Variants in LRP1B observed in about 807,000 individuals in gnomAD.
LRP1B encodes low-density lipoprotein receptor-related protein 1B.
Under a neutral mutation model 556.6 loss-of-function variants are expected in LRP1B, and 217 were observed. That is an observed-to-expected ratio of 0.39 (90% CI 0.35 to 0.44). The LOEUF (loss-of-function observed/expected upper bound fraction) is 0.44. Ranked by LOEUF, LRP1B falls within the 20% of genes least tolerant of loss-of-function variation. The pLI is 1.00. For missense variants in LRP1B, 5,053 were observed against 5,620.8 expected (o/e 0.90, Z 3.23); for synonymous variants, 2,047 against 1,865.8 (o/e 1.10, Z -2.50).
intron 29 of LRP1B, among the ~76,000 whole-genome samples, chr2:140,842,501 C>A (rs1362843709): frequency 6.6e-6 from 1 of 152,120 alleles, no homozygotes; most frequent in Non-Finnish European, 1.5e-5. Flanking sequence ...AATTACTTTT[C>A]GTGATTAATT....
chr2:141,570,160 A>G (rs1165680381), intron 2 of LRP1B, among the ~76,000 whole-genome samples: 5 of 150,746 alleles, frequency 3.3e-5, no homozygotes, highest in Non-Finnish European at 7.4e-5. Flanking sequence ...ACAAAACAAA[A>G]CATAATAAGT....
chr2:142,077,464 T>C (rs899998178), intron 1 of LRP1B, among the ~76,000 whole-genome samples: 1 of 152,116 alleles, frequency 6.6e-6, no homozygotes, highest in Non-Finnish European at 1.5e-5. Context: ...TTATCTTCAC[T>C]TGCAACTACA....
chr2:140,744,655 C>A (rs1688259397), intron 35 of LRP1B, among the ~76,000 whole-genome samples: 1 of 152,170 alleles, frequency 6.6e-6, no homozygotes, highest in Non-Finnish European at 1.5e-5. Context: ...CAAGTATTTG[C>A]TACAATTCAC....
chr2:141,408,855 A>ATT, intron 3 of LRP1B, among the ~76,000 whole-genome samples: 1 of 152,174 alleles, frequency 6.6e-6, no homozygotes, highest in African/African-American at 2.4e-5. Flanking sequence ...ACTTATCACA[A>ATT]TTTTATATAT....
intron 15 of LRP1B, among the ~76,000 whole-genome samples, chr2:140,996,692 C>T (rs948875883): frequency 1.3e-5 from 2 of 152,094 alleles, no homozygotes; most frequent in South Asian, 2.1e-4. Context: ...AGGAAAACCA[C>T]ATCCTTTCAA....
At chr2:141,871,211 C>G (rs960968915) in intron 1 of LRP1B, among the ~76,000 whole-genome samples, 6 of 151,968 alleles carry the variant, frequency 3.9e-5, no homozygotes, top group African/African-American at 1.4e-4. Context: ...TAGCTTCTTG[C>G]ACTGTTCACT....
At chr2:140,561,089 C>T (rs1387286410) in intron 43 of LRP1B, among the ~76,000 whole-genome samples, 1 of 152,076 alleles carries the variant, frequency 6.6e-6, no homozygotes, top group African/African-American at 2.4e-5. Flanking sequence ...GGAGGCAAGC[C>T]ATAAAAAATA....
intron 43 of LRP1B, among the ~76,000 whole-genome samples, chr2:140,552,205 T>C (rs1349647322): frequency 6.6e-6 from 1 of 152,156 alleles, no homozygotes; most frequent in Non-Finnish European, 1.5e-5. Context: ...TTCCCTAGTA[T>C]CGTATTACAG....
chr2:140,959,508 C>T (rs1695972103), intron 18 of LRP1B, among the ~76,000 whole-genome samples: 1 of 151,008 alleles, frequency 6.6e-6, no homozygotes, highest in South Asian at 2.1e-4. Flanking sequence ...TAATGTAGTC[C>T]TAAAGTTAAT....
intron 84 of LRP1B, among the ~76,000 whole-genome samples, chr2:140,290,613 A>G (rs890607382): frequency 1.3e-5 from 2 of 152,134 alleles, no homozygotes; most frequent in African/African-American, 4.8e-5. Flanking sequence ...TGACCTTCCT[A>G]TTAACAGGAA....
intron 2 of LRP1B, among the ~76,000 whole-genome samples, chr2:141,524,890 C>A: frequency 6.6e-6 from 1 of 151,866 alleles, no homozygotes; most frequent in Non-Finnish European, 1.5e-5. Flanking sequence ...ACAGTGCAAC[C>A]TGATGCAGGA....
intron 1 of LRP1B, among the ~76,000 whole-genome samples, chr2:141,953,235 T>C (rs933849267): frequency 2.0e-5 from 3 of 152,108 alleles, no homozygotes; most frequent in African/African-American, 7.2e-5. Flanking sequence ...CCATCCACCA[T>C]TCTAAAACAT....
Position 141,005,429 on chromosome 2 carries a change from C to T in LRP1B, c.2409G>A (p.Gly803=), listed in dbSNP as rs2105373919. Residue 803 remains glycine, a synonymous_variant, in exon 15 of 91, where the codon GGG becomes GGA. Transcript: ENST00000389484. ...TAGCCAAGCAAAGTGTACTACAGCCCCCATTATTTACTCGGCACATATTGT... is the reference window on the plus strand; with the variant it reads ...TAGCCAAGCAAAGTGTACTACAGCCTCCATTATTTACTCGGCACATATTGT... ...QGDNMCRVNN[G]GCSTLCLAIP... The T allele has an allele frequency of 6.2e-7, 1 of 1,611,166 alleles. No homozygotes were observed. Among genetic ancestry groups the T allele is most frequent in the Non-Finnish European group, 8.5e-7 (1 of 1,178,072 alleles).
chr2:141,521,095 GA>G (rs557777930), intron 2 of LRP1B, among the ~76,000 whole-genome samples: 52 of 151,666 alleles, frequency 3.4e-4, no homozygotes, highest in Non-Finnish European at 6.5e-4. Flanking sequence ...ATATATCAGT[GA>G]AAAAAAATAA....
chr2:141,504,444 T>C (rs1020620562), intron 2 of LRP1B, among the ~76,000 whole-genome samples: 2 of 152,142 alleles, frequency 1.3e-5, no homozygotes, highest in African/African-American at 2.4e-5. Context: ...AAAATGCCCA[T>C]ATGCTAATTG....
intron 7 of LRP1B, among the ~76,000 whole-genome samples, chr2:141,071,124 A>T (rs1322072563): frequency 6.6e-6 from 1 of 151,700 alleles, no homozygotes; most frequent in African/African-American, 2.4e-5. Context: ...CTGGCACACC[A>T]AATCCAGCAG....
At chr2:141,385,956 TA>T (rs1689820750) in intron 3 of LRP1B, among the ~76,000 whole-genome samples, 1 of 152,174 alleles carries the variant, frequency 6.6e-6, no homozygotes, top group Non-Finnish European at 1.5e-5. Context: ...TATGTGTGAA[TA>T]AATGTAATAA....
chr2:141,864,698 G>A (rs961982285), intron 1 of LRP1B, among the ~76,000 whole-genome samples: 10 of 152,100 alleles, frequency 6.6e-5, no homozygotes, highest in African/African-American at 2.4e-4. Context: ...TGGCCAACAT[G>A]GTGAAACCCC....
chr2:141,560,697 A>T (rs376880874), intron 2 of LRP1B, among the ~76,000 whole-genome samples: 6 of 151,714 alleles, frequency 4.0e-5, no homozygotes, highest in Admixed American at 1.3e-4. Context: ...GACATTAAAG[A>T]AATTATATGT....
Sources: gnomAD v4.1 joint callset for allele counts (sites outside exome capture counted in the v4.1 genomes callset) on GRCh38, gnomAD v4.1.1 for gene constraint, MANE v1.5 for transcripts, NCBI Gene and HGNC (gene_info 2026-07-23, HGNC 2026-07-21) for gene names.